The following DNASE1L1 variants were observed in gnomAD, a reference collection of about 807,000 sequenced individuals.
DNASE1L1 encodes the protein deoxyribonuclease-1-like 1.
DNASE1L1 carries 8 observed loss-of-function variants against 18.6 expected under a neutral mutation model. That is an observed-to-expected ratio of 0.43 (90% confidence interval 0.25 to 0.78). The LOEUF (loss-of-function observed/expected upper bound fraction) is 0.78, where lower values mean the gene tolerates loss of function less well. DNASE1L1 is among the 30% of genes least tolerant of loss of function. The probability of loss-of-function intolerance (pLI) is 0.23; values close to 1 mark genes in which losing one functional copy is unlikely to be tolerated. For missense variants in DNASE1L1, 214 were observed against 258.2 expected (o/e 0.83, Z 1.17); for synonymous variants, 114 against 114.2 (o/e 1.00, Z 0.01).
upstream of DNASE1L1, chrX:154,411,596 G>A: frequency 2.3e-6 from 1 of 433,969 alleles, no homozygotes; most frequent in African/African-American, 2.5e-5. Flanking sequence ...GTTTCCTCCC[G>A]TTCCGCAGCG....
chrX:154,410,032 C>T (rs959307850), upstream of DNASE1L1: 2 of 111,191 alleles, frequency 1.8e-5, no homozygotes, highest in African/African-American at 6.6e-5. Context: ...CGAGGTCAGG[C>T]GTTCAAGACC....
chrX:154,408,920 T>C, intron 1 of DNASE1L1, 192 bp downstream of exon 1: 1 of 220,216 alleles, frequency 4.5e-6, no homozygotes, highest in Non-Finnish European at 8.9e-6. Flanking sequence ...CCTTGGAGGC[T>C]CTGGCGTCAG....
chrX:154,406,858 T>G (rs1557188631), intron 1 of DNASE1L1, among the ~76,000 whole-genome samples: 1 of 110,466 alleles, frequency 9.1e-6, no homozygotes. Flanking sequence ...CCTCTCAAAG[T>G]GCTGGGATTA....
chrX:154,403,702 G>A, intron 4 of DNASE1L1, 80 bp from the exon 5 acceptor site: 1 of 851,830 alleles, frequency 1.2e-6, no homozygotes, highest in Non-Finnish European at 1.7e-6. Context: ...GCTCAGGGAG[G>A]GGCCCTCCAC....
intron 1 of DNASE1L1, among the ~76,000 whole-genome samples, chrX:154,405,939 C>T (rs1035855961): frequency 1.8e-5 from 2 of 109,006 alleles, no homozygotes; most frequent in African/African-American, 3.3e-5. Context: ...GCAAAATGTC[C>T]TCAAGGGTCA....
chrX:154,407,591 T>TC (rs2068182828), intron 1 of DNASE1L1, among the ~76,000 whole-genome samples: 1 of 64,881 alleles, frequency 1.5e-5, no homozygotes, highest in East Asian at 4.6e-4. Flanking sequence ...GTCTACCTTT[T>TC]TTTTTTTTTT....
chrX:154,409,720 A>T (rs2068225973), upstream of DNASE1L1: 1 of 112,710 alleles, frequency 8.9e-6, no homozygotes, highest in Non-Finnish European at 1.9e-5. Context: ...ATCTGGCCAC[A>T]GTCGTGAAGT....
Position 154,404,934 on chromosome X carries a change from C to T in DNASE1L1, c.225-20G>A, listed in dbSNP as rs782030945. The T allele has an allele frequency of 2.5e-6, 3 of 1,207,504 alleles. No homozygotes were observed. The highest frequency in any genetic ancestry group is 4.4e-5 in the Admixed American group (2 of 45,841). On this transcript the variant is annotated intron_variant, in intron 3 of 7. Coordinates refer to ENST00000369807, the MANE Select transcript of DNASE1L1 (RefSeq NM_001303620.2). ...TCAAATCTGCCAAGAAAAGGGGAGG[C>T]GGGGTCAGGGCCTCAAGCCTCTGGG...
Position 154,401,602 on chromosome X carries a change from TGA to T in DNASE1L1, c.*1103_*1104del, listed in dbSNP as rs782316114. ...CTGGCTTTTGGGGGAGCAGCAAAAA[TGA>T]GAGGAGTGCTAGGTGGGTGGCCTGA... On this transcript the variant is annotated 3_prime_UTR_variant, in exon 8 of 8. Coordinates refer to ENST00000369807, the MANE Select transcript of DNASE1L1 (RefSeq NM_001303620.2). The T allele has an allele frequency of 2.2e-3, 247 of 111,887 alleles. No individual in the cohort carries two copies. Among genetic ancestry groups the T allele is most frequent in the Middle Eastern group, 0.014 (3 of 216 alleles). 9.2% of individuals were successfully genotyped at this position (111,887 alleles called of 1,213,427 possible).
rs1475493993 is a variant in DNASE1L1 at position 154,404,748 on chromosome X, C to T, written c.311+80G>A. 8.3e-6 allele frequency: 8 copies of T among 962,802 alleles called. No individual in the cohort carries two copies. In the Admixed American group the frequency reaches 2.7e-4, roughly 32 times the overall value. The allele number at this position is 962,802 out of a possible 1,213,427, so 79.3% of individuals were successfully genotyped here. On this transcript the variant is annotated intron_variant, in intron 4 of 7. Coordinates refer to ENST00000369807, the MANE Select transcript of DNASE1L1 (RefSeq NM_001303620.2). ...CTGTCCCAGGATGGGGGGCCTGTGGCCCCGGGGACTAATGAGCCTACCTCA... is the reference window on the plus strand; with the variant it reads ...CTGTCCCAGGATGGGGGGCCTGTGGTCCCGGGGACTAATGAGCCTACCTCA...
chrX:154,406,229 C>T (rs1246117496), intron 1 of DNASE1L1, among the ~76,000 whole-genome samples: 1 of 110,644 alleles, frequency 9.0e-6, no homozygotes. Context: ...CTCGGCCTCC[C>T]AAAATGCTGG....
In DNASE1L1 at chrX:154,403,029, G is replaced by A. The variant is rs1350544730; in HGVS notation, c.687C>T (p.Val229=). ...TCCGGCAGCGCTCCCCGTGCAGCAC[G>A]ACGCGGTCATAGGTGCAGTGGGTGC... ...RASTHCTYDR[V]VLHGERCRSL... The change falls in exon 7 of 8, where the codon GTC becomes GTT. Residue 229 remains valine, a synonymous_variant. Coordinates refer to ENST00000369807, the MANE Select transcript of DNASE1L1 (RefSeq NM_001303620.2). The A allele has an allele frequency of 1.7e-6, 2 of 1,211,733 alleles. No homozygotes were observed. Among genetic ancestry groups the A allele is most frequent in the Middle Eastern group, 2.3e-4 (1 of 4,348 alleles).
chrX:154,403,318 T>C lies in DNASE1L1; in HGVS notation c.476A>G (p.Asn159Ser). ...TTPKAVEKEL[N>S]ALYDVFLEVS... ...CTCCAGAAACACATCGTAGAGGGCG[T>C]TCAGCTCCTTCTCTACGGCCTTAGG... The change falls in exon 6 of 8, where the codon AAC becomes AGC. Residue 159 changes from asparagine (N) to serine (S), a missense_variant. Coordinates refer to ENST00000369807, the MANE Select transcript of DNASE1L1 (RefSeq NM_001303620.2). 3 of 1,211,546 alleles carry C rather than the reference T, an allele frequency of 2.5e-6. No homozygotes were observed. The highest frequency in any genetic ancestry group is 3.4e-6 in the Non-Finnish European group (3 of 895,445).
upstream of DNASE1L1, chrX:154,411,621 G>A (rs1168742600): frequency 2.2e-6 from 1 of 461,514 alleles, no homozygotes; most frequent in Non-Finnish European, 3.9e-6. Flanking sequence ...CACGGCCTGT[G>A]ACCCCGGCGA....
chrX:154,412,056 C>G, upstream of DNASE1L1: 1 of 1,209,314 alleles, frequency 8.3e-7, no homozygotes, highest in Middle Eastern at 2.3e-4. Context: ...CGGGCGAGCC[C>G]GGAGCGCCTG....
Position 154,405,451 on chromosome X carries a change from T to C in DNASE1L1, c.118A>G (p.Met40Val). 1 of 1,195,404 alleles carries C rather than the reference T, an allele frequency of 8.4e-7. No homozygotes were observed. The highest frequency in any genetic ancestry group is 1.8e-5 in the South Asian group (1 of 55,638). ...TLAKVAREQV[M>V]DTLVRILARC... ...GAACTTACCCGAACTAAGGTGTCCA[T>C]CACCTGCTCCCTGGCCACCTTGGCC... Residue 40 changes from methionine to valine, a missense_variant, in exon 2 of 8, where the codon ATG becomes GTG. Coordinates refer to ENST00000369807, the MANE Select transcript of DNASE1L1 (RefSeq NM_001303620.2).
chrX:154,411,635 C>G, upstream of DNASE1L1: 1 of 475,150 alleles, frequency 2.1e-6, no homozygotes, highest in East Asian at 4.2e-5. Context: ...CCGGCGACCG[C>G]TCCCCAGTGA....
upstream of DNASE1L1, chrX:154,410,178 G>T (rs1321111751): frequency 1.8e-5 from 2 of 110,278 alleles, no homozygotes; most frequent in African/African-American, 6.6e-5. Context: ...GGCGGAGCTT[G>T]CAGTGAGCCG....
intron 3 of DNASE1L1, 22 bp from the exon 4 acceptor site, chrX:154,404,936 GGGTCA>G (rs1557187980): frequency 8.3e-7 from 1 of 1,206,838 alleles, no homozygotes; most frequent in Non-Finnish European, 1.1e-6. Context: ...AGGGGAGGCG[GGGTCA>G]GGGCCTCAAG....
Sources: gnomAD v4.1 joint callset for allele counts (sites outside exome capture counted in the v4.1 genomes callset) on GRCh38, gnomAD v4.1.1 for gene constraint, MANE v1.5 for transcripts, NCBI Gene and HGNC (gene_info 2026-07-23, HGNC 2026-07-21) for gene names.